BPTF: variants seen among roughly 807,000 people sequenced by gnomAD.
The protein encoded by BPTF is bromodomain PHD finger transcription factor, also known as nucleosome-remodeling factor subunit BPTF.
BPTF carries 18 observed loss-of-function variants against 292.5 expected under a neutral mutation model. The observed-to-expected ratio is 0.06, with a 90% CI of 0.04 to 0.09. BPTF has a LOEUF of 0.09. Among genes scored for constraint, BPTF ranks in the 10% least tolerant of loss-of-function variants. BPTF has a pLI of 1.00. For missense variants in BPTF, 2,726 were observed against 3,498.7 expected (o/e 0.78, Z 5.57); for synonymous variants, 1,225 against 1,251.9 (o/e 0.98, Z 0.45).
chr17:67,971,239 CA>C (rs1308240249), intron 26 of BPTF, among the ~76,000 whole-genome samples: 4 of 152,122 alleles, frequency 2.6e-5, no homozygotes, highest in Non-Finnish European at 5.9e-5. Context: ...CCACCACACC[CA>C]GCTAATTTTT....
At chr17:67,871,014 G>A (rs1290805189) in intron 3 of BPTF, among the ~76,000 whole-genome samples, 2 of 151,496 alleles carry the variant, frequency 1.3e-5, no homozygotes, top group Non-Finnish European at 2.9e-5. Context: ...CTCGTGATCC[G>A]CCCGCCTCGG....
At chr17:67,982,188 T>G in intron 27 of BPTF, 64 bp from the exon 28 acceptor site, 1 of 1,455,398 alleles carries the variant, frequency 6.9e-7, no homozygotes, top group South Asian at 1.1e-5. Flanking sequence ...GGCATCCGCA[T>G]AAAGCATCAT....
intron 24 of BPTF, 45 bp downstream of exon 24, chr17:67,959,920 A>G (rs199768066): frequency 2.1e-5 from 29 of 1,385,940 alleles, no homozygotes; most frequent in Middle Eastern, 3.8e-4. Context: ...TTGAAAGTTT[A>G]GCTATTAAAT....
Position 67,826,167 on chromosome 17 carries a change from A to T in BPTF, c.443A>T (p.Glu148Val). The change falls in exon 1 of 28, where the codon GAG (glutamate) becomes GTG (valine). Residue 148 changes from glutamate to valine, a missense_variant. By Grantham distance (121) the Glu-to-Val change is moderately radical. Coordinates refer to ENST00000306378, the MANE Select transcript of BPTF (RefSeq NM_182641.4). Reference sequence around the variant, plus strand: ...ATGGTCTCCGAGGAGGAGGAGGAGGAGGACGGCGACGCCGAGGAGACCCAG... The same window carrying T: ...ATGGTCTCCGAGGAGGAGGAGGAGGTGGACGGCGACGCCGAGGAGACCCAG... ...EDMVSEEEEE[E>V]DGDAEETQDS... 1 of 1,566,584 alleles carries T rather than the reference A, an allele frequency of 6.4e-7. No individual in the cohort carries two copies. Among genetic ancestry groups the T allele is most frequent in the Non-Finnish European group, 8.8e-7 (1 of 1,137,056 alleles).
intron 14 of BPTF, among the ~76,000 whole-genome samples, chr17:67,923,471 CTTTTTTTTT>C (rs58462646): frequency 2.5e-4 from 17 of 67,512 alleles, no homozygotes; most frequent in African/African-American, 4.7e-4. Context: ...CTCTCTCTGT[CTTTTTTTTT>C]TTTTTTTTTT....
At position 67,832,047 on chromosome 17, in the gene BPTF, G is replaced by A. The variant is rs201101422; in HGVS notation, c.613+5710G>A. On this transcript the variant is annotated intron_variant, in intron 1 of 27. Coordinates refer to ENST00000306378, the MANE Select transcript of BPTF (RefSeq NM_182641.4). ...GGGGACTACAGGCGCCTGCCACCAC[G>A]CCCGTCTAATTTTTGTATTTTTAGT... Among the ~76,000 whole-genome samples the A allele has an allele frequency of 3.9e-4, 59 of 151,952 alleles. No individual in the cohort carries two copies. In the East Asian group the frequency reaches 0.011, roughly 29 times the overall value.
intron 15 of BPTF, among the ~76,000 whole-genome samples, chr17:67,927,080 G>T (rs549934502): frequency 6.6e-6 from 1 of 152,194 alleles, no homozygotes; most frequent in Non-Finnish European, 1.5e-5. Flanking sequence ...TGGACGTGAT[G>T]TCATAGGTGA....
At chr17:67,885,156 A>G (rs1003786644) in intron 4 of BPTF, among the ~76,000 whole-genome samples, 2 of 152,236 alleles carry the variant, frequency 1.3e-5, no homozygotes, top group Non-Finnish European at 2.9e-5. Flanking sequence ...GTCAGTGGCA[A>G]AAACAAAGGC....
At chr17:67,858,074 C>G (rs565417998) in intron 2 of BPTF, among the ~76,000 whole-genome samples, 3 of 152,318 alleles carry the variant, frequency 2.0e-5, no homozygotes, top group South Asian at 4.1e-4. Context: ...GCGTGAGCCA[C>G]CGTGCCCGGC....
chr17:67,900,429 C>A (rs988134321), intron 7 of BPTF, among the ~76,000 whole-genome samples: 16 of 151,960 alleles, frequency 1.1e-4, no homozygotes, highest in African/African-American at 3.6e-4. Flanking sequence ...ATATTCAAGG[C>A]CTGTGTAAAG....
At chr17:67,886,398 T>A in intron 4 of BPTF, 1 of 1,000,620 alleles carries the variant, frequency 1.0e-6, no homozygotes, top group Non-Finnish European at 1.3e-6. Flanking sequence ...TGTGGTTTTT[T>A]GCTTTTGTTT....
intron 26 of BPTF, among the ~76,000 whole-genome samples, chr17:67,973,455 G>A (rs2069028695): frequency 2.0e-5 from 3 of 151,906 alleles, no homozygotes; most frequent in African/African-American, 7.3e-5. Context: ...GGCATATAAT[G>A]AGAGAGAATT....
chr17:67,961,863 A>G (rs2067530939), intron 24 of BPTF, among the ~76,000 whole-genome samples: 1 of 151,888 alleles, frequency 6.6e-6, no homozygotes, highest in South Asian at 2.1e-4. Context: ...AATCCCAGCT[A>G]CTCGGGAGGC....
chr17:67,895,995 G>A lies in BPTF; in HGVS notation c.2543+1830G>A, dbSNP rs552209695. On this transcript the variant is annotated intron_variant, in intron 7 of 27. Transcript: ENST00000306378. The stretch of plus-strand genomic sequence containing the variant: ...TTTTTTTTTTTTGAGACGGAGTCTC[G>A]CTCTGTCACCCAGGCTGGAGTGCAG... Among the ~76,000 whole-genome samples, 12 of 136,850 alleles carry A rather than the reference G, an allele frequency of 8.8e-5. No homozygotes were observed. In the East Asian group the frequency reaches 2.6e-3, roughly 30 times the overall value. 89.8% of individuals were successfully genotyped at this position (136,850 alleles called of 152,430 possible).
intron 24 of BPTF, 76 bp downstream of exon 24, chr17:67,959,951 T>C (rs535836228): frequency 8.8e-7 from 1 of 1,130,942 alleles, no homozygotes; most frequent in Non-Finnish European, 1.3e-6. Flanking sequence ...AGAAAATGAA[T>C]ATTTTGGGAG....
At chr17:67,869,363 A>C (rs765720157) in intron 3 of BPTF, among the ~76,000 whole-genome samples, 30 of 152,328 alleles carry the variant, frequency 2.0e-4, no homozygotes, top group Non-Finnish European at 3.5e-4. Context: ...CAAAACAGGA[A>C]TGGGTAATCA....
chr17:67,955,923 G>C (rs1378078432), intron 23 of BPTF: 4 of 152,034 alleles, frequency 2.6e-5, no homozygotes, highest in African/African-American at 9.7e-5. Flanking sequence ...TGAGGCGGGT[G>C]GATCAGTTGA....
At chr17:67,952,834 G>T (rs782735641) in intron 23 of BPTF, among the ~76,000 whole-genome samples, 4 of 152,070 alleles carry the variant, frequency 2.6e-5, no homozygotes, top group African/African-American at 9.7e-5. Context: ...TAACAATCCC[G>T]TGTGCCACCT....
At chr17:67,929,026 C>G (rs1232674271) in intron 16 of BPTF, 3 of 1,215,574 alleles carry the variant, frequency 2.5e-6, no homozygotes, top group Non-Finnish European at 3.1e-6. Context: ...AAATTACAGG[C>G]AATCCAGTCA....
Sources: gnomAD v4.1 joint callset for allele counts (sites outside exome capture counted in the v4.1 genomes callset) on GRCh38, gnomAD v4.1.1 for gene constraint, MANE v1.5 for transcripts, NCBI Gene and HGNC (gene_info 2026-07-23, HGNC 2026-07-21) for gene names.